Variants in MGST1 observed in about 807,000 individuals in gnomAD.
MGST1 encodes microsomal glutathione S-transferase 1.
Under a neutral mutation model 8.9 loss-of-function variants are expected in MGST1, and 5 were observed. That is an observed-to-expected ratio of 0.56 (90% CI 0.29 to 1.19). The LOEUF (loss-of-function observed/expected upper bound fraction) is 1.19. MGST1 is among the 50% of genes most tolerant of loss of function. The pLI is 0.08. For missense variants in MGST1, 182 were observed against 187.4 expected (o/e 0.97, Z 0.17); for synonymous variants, 54 against 67.8 (o/e 0.80, Z 1.00).
intron 4 of MGST1, among the ~76,000 whole-genome samples, chr12:16,460,472 CCTT>C (rs1196757503): frequency 6.6e-6 from 1 of 152,094 alleles, no homozygotes; most frequent in African/African-American, 2.4e-5. Context: ...CATATTCCTA[CCTT>C]CTTTAAAGAT....
At chr12:16,514,874 A>G (rs1332511329) in intron 4 of MGST1, among the ~76,000 whole-genome samples, 1 of 152,246 alleles carries the variant, frequency 6.6e-6, no homozygotes, top group Admixed American at 6.5e-5. Flanking sequence ...TGTCTGGAAC[A>G]TTGTGGCTCT....
intron 4 of MGST1, among the ~76,000 whole-genome samples, chr12:16,583,771 T>C (rs1255259915): frequency 6.6e-6 from 1 of 152,036 alleles, no homozygotes; most frequent in East Asian, 1.9e-4. Flanking sequence ...GTGGTGAAAA[T>C]TGAGCTAGCA....
chr12:16,534,437 A>G lies in MGST1; in HGVS notation n.483-55091A>G, dbSNP rs559768448. Among the ~76,000 whole-genome samples the G allele has an allele frequency of 4.6e-5, 7 of 152,248 alleles. No individual in the cohort carries two copies. In the South Asian group the frequency reaches 1.5e-3, roughly 32 times the overall value. ...CATCACTGGCTGGATTCCCACCACTAGGTGCATTTCTAATGTGCTTTTCAT... is the reference window on the plus strand; with the variant it reads ...CATCACTGGCTGGATTCCCACCACTGGGTGCATTTCTAATGTGCTTTTCAT... On this transcript the variant is annotated intron_variant and non_coding_transcript_variant, in intron 4 of 4. Coordinates refer to the MGST1 transcript ENST00000538857.
At chr12:16,418,368 A>T (rs775790391) in intron 1 of MGST1, among the ~76,000 whole-genome samples, 10 of 152,198 alleles carry the variant, frequency 6.6e-5, no homozygotes, top group Non-Finnish European at 1.3e-4. Context: ...AATTTGAATG[A>T]GTGAAAAAAC....
intron 4 of MGST1, among the ~76,000 whole-genome samples, chr12:16,530,963 T>C (rs781634669): frequency 5.1e-4 from 77 of 152,106 alleles, no homozygotes; most frequent in Middle Eastern, 3.4e-3. Flanking sequence ...AAGAAATGTC[T>C]TGAAGCATCT....
intron 4 of MGST1, among the ~76,000 whole-genome samples, chr12:16,464,327 G>A (rs944965998): frequency 6.6e-6 from 1 of 152,024 alleles, no homozygotes; most frequent in Admixed American, 6.6e-5. Flanking sequence ...CTTTTCTCTG[G>A]CTGGTAGCAA....
At chr12:16,371,464 A>T (rs1940292150) in intron 3 of MGST1, among the ~76,000 whole-genome samples, 1 of 152,118 alleles carries the variant, frequency 6.6e-6, no homozygotes, top group South Asian at 2.1e-4. Flanking sequence ...AACTCATATT[A>T]TACCAGAAGT....
chr12:16,355,436 T>C (rs973843230), intron 2 of MGST1, among the ~76,000 whole-genome samples: 4 of 152,156 alleles, frequency 2.6e-5, no homozygotes, highest in African/African-American at 2.4e-5. Flanking sequence ...CTCAAACTCC[T>C]GACCTCAGGT....
intron 4 of MGST1, among the ~76,000 whole-genome samples, chr12:16,566,019 TATATATATATATATATATATAA>T (rs1264475139): frequency 4.3e-5 from 4 of 93,790 alleles, no homozygotes; most frequent in African/African-American, 2.0e-4. Context: ...TATATATATA[TATATATATATATATATATATAA>T]AATGGAGTAC....
intron 4 of MGST1, among the ~76,000 whole-genome samples, chr12:16,451,008 T>C (rs1191764453): frequency 6.6e-6 from 1 of 151,978 alleles, no homozygotes; most frequent in Non-Finnish European, 1.5e-5. Flanking sequence ...TAATAAATAC[T>C]GTTTAGGAAT....
chr12:16,379,254 T>C (rs1398425952), downstream of MGST1, among the ~76,000 whole-genome samples: 3 of 152,228 alleles, frequency 2.0e-5, no homozygotes, highest in African/African-American at 4.8e-5. Context: ...TTCCAGTTTT[T>C]GTCCATTCAG....
chr12:16,431,589 A>G (rs1940940340), intron 1 of MGST1, among the ~76,000 whole-genome samples: 1 of 152,092 alleles, frequency 6.6e-6, no homozygotes, highest in Admixed American at 6.6e-5. Context: ...CAGAACCCAC[A>G]GTACACCATC....
intron 1 of MGST1, among the ~76,000 whole-genome samples, chr12:16,432,904 G>A (rs1479994514): frequency 2.0e-5 from 3 of 152,096 alleles, no homozygotes; most frequent in Admixed American, 1.3e-4. Context: ...AGTCAATGGT[G>A]TCTGTCAATG....
intron 1 of MGST1, among the ~76,000 whole-genome samples, chr12:16,433,283 G>C (rs866980435): frequency 6.6e-6 from 1 of 151,898 alleles, no homozygotes; most frequent in Non-Finnish European, 1.5e-5. Context: ...ACTGAGGGTG[G>C]GTCTCCCTTT....
At chr12:16,418,256 T>A (rs1234388916) in intron 1 of MGST1, among the ~76,000 whole-genome samples, 1 of 152,166 alleles carries the variant, frequency 6.6e-6, no homozygotes, top group Non-Finnish European at 1.5e-5. Context: ...TGCCCAAGGA[T>A]GCACATTGTA....
At chr12:16,509,104 G>A (rs959796637) in intron 4 of MGST1, among the ~76,000 whole-genome samples, 2 of 151,942 alleles carry the variant, frequency 1.3e-5, no homozygotes, top group African/African-American at 4.8e-5. Flanking sequence ...AAAGCATTTG[G>A]CTAAACATCA....
At chr12:16,372,410 A>G (rs1055085867) in intron 3 of MGST1, among the ~76,000 whole-genome samples, 50 of 152,238 alleles carry the variant, frequency 3.3e-4, no homozygotes, top group African/African-American at 1.2e-3. Flanking sequence ...ACAAATGGCC[A>G]ACTAGTATAT....
intron 4 of MGST1, among the ~76,000 whole-genome samples, chr12:16,495,325 C>T (rs1254629607): frequency 2.0e-5 from 3 of 151,970 alleles, no homozygotes; most frequent in African/African-American, 7.2e-5. Context: ...GAAGGGGAGG[C>T]AGGTGAAGAG....
intron 4 of MGST1, among the ~76,000 whole-genome samples, chr12:16,562,893 T>C (rs371240986): frequency 6.6e-6 from 1 of 152,202 alleles, no homozygotes; most frequent in East Asian, 1.9e-4. Context: ...CACAAAACAG[T>C]TCTCTGACGT....
Sources: gnomAD v4.1 joint callset for allele counts (sites outside exome capture counted in the v4.1 genomes callset) on GRCh38, gnomAD v4.1.1 for gene constraint, MANE v1.5 for transcripts, NCBI Gene and HGNC (gene_info 2026-07-23, HGNC 2026-07-21) for gene names.